GPHN: variants seen among roughly 807,000 people sequenced by gnomAD.
GPHN encodes the protein gephyrin.
GPHN carries 17 observed loss-of-function variants against 95.5 expected under a neutral mutation model. The observed-to-expected ratio is 0.18, with a 90% CI of 0.12 to 0.27. The LOEUF is 0.27. Among genes scored for constraint, GPHN ranks in the 10% least tolerant of loss-of-function variants. The pLI is 1.00. For synonymous variants in GPHN, 320 were observed against 322.5 expected (o/e 0.99, Z 0.08); for missense variants, 660 against 978.1 (o/e 0.67, Z 4.34).
chr14:67,362,151 G>C, the GPHN span, among the ~76,000 whole-genome samples: 1 of 151,648 alleles, frequency 6.6e-6, no homozygotes, highest in African/African-American at 2.4e-5. Context: ...CACTATAGTA[G>C]TGGGATTACA....
the GPHN span, among the ~76,000 whole-genome samples, chr14:67,724,122 G>T: frequency 6.6e-6 from 1 of 152,208 alleles, no homozygotes; most frequent in Non-Finnish European, 1.5e-5. Flanking sequence ...TTGAATGTAG[G>T]TTAGAGGGGA....
chr14:66,972,778 A>G (rs941173745), intron 9 of GPHN, among the ~76,000 whole-genome samples: 5 of 152,140 alleles, frequency 3.3e-5, no homozygotes, highest in Non-Finnish European at 7.4e-5. Context: ...TAAATATTAA[A>G]TTTACTATGT....
the GPHN span, among the ~76,000 whole-genome samples, chr14:67,510,176 T>A: frequency 1.3e-5 from 2 of 152,198 alleles, no homozygotes; most frequent in Non-Finnish European, 2.9e-5. Flanking sequence ...CTCATTGATA[T>A]GAGAAAAGAA....
intron 2 of GPHN, among the ~76,000 whole-genome samples, chr14:66,700,919 T>C (rs1460202170): frequency 6.8e-6 from 1 of 147,878 alleles, no homozygotes; most frequent in Non-Finnish European, 1.5e-5. Context: ...AGACACCATC[T>C]AAAAAAAAAA....
chr14:67,105,936 A>G (rs1373435398), intron 13 of GPHN, among the ~76,000 whole-genome samples: 1 of 152,038 alleles, frequency 6.6e-6, no homozygotes, highest in Non-Finnish European at 1.5e-5. Flanking sequence ...GTGGTTTTCT[A>G]CATTGATACT....
At chr14:67,465,374 A>G in the GPHN span, among the ~76,000 whole-genome samples, 1 of 128,962 alleles carries the variant, frequency 7.8e-6, no homozygotes, top group South Asian at 2.3e-4. Flanking sequence ...CCTGGATGGC[A>G]CAGGGCTGGG....
chr14:67,396,171 G>C, the GPHN span, among the ~76,000 whole-genome samples: 2 of 147,234 alleles, frequency 1.4e-5, no homozygotes, highest in African/African-American at 2.6e-5. Flanking sequence ...TTCTTGAGAC[G>C]GAGTCTTGCT....
At chr14:67,227,449 A>G in the GPHN span, 10 of 151,866 alleles carry the variant, frequency 6.6e-5, no homozygotes, top group East Asian at 1.9e-4. Context: ...CAAAAAAAAA[A>G]AAAAAAGAAA....
chr14:67,176,752 A>G (rs2082983788), intron 21 of GPHN, among the ~76,000 whole-genome samples: 1 of 152,046 alleles, frequency 6.6e-6, no homozygotes, highest in African/African-American at 2.4e-5. Flanking sequence ...CCCAATTTCA[A>G]AGTCTGTTAC....
intron 3 of GPHN, among the ~76,000 whole-genome samples, chr14:66,804,329 CA>C (rs2153478700): frequency 6.6e-6 from 1 of 152,298 alleles, no homozygotes; most frequent in East Asian, 1.9e-4. Flanking sequence ...AATATAGCCT[CA>C]AAAACTAGCA....
At chr14:66,622,770 T>A (rs2063360850) in intron 1 of GPHN, among the ~76,000 whole-genome samples, 2 of 152,142 alleles carry the variant, frequency 1.3e-5, no homozygotes, top group South Asian at 4.1e-4. Context: ...GTTCCTCATC[T>A]CCTTGTGAGA....
At chr14:67,321,256 A>G in the GPHN span, 4 of 1,613,976 alleles carry the variant, frequency 2.5e-6, no homozygotes, top group Non-Finnish European at 3.4e-6. Context: ...GTCTTCGTAC[A>G]CAGGTAAAGC....
At chr14:66,735,974 T>A (rs963670513) in intron 2 of GPHN, among the ~76,000 whole-genome samples, 2 of 152,108 alleles carry the variant, frequency 1.3e-5, no homozygotes, top group South Asian at 4.2e-4. Context: ...GTCAAAAAAA[T>A]TAGATATTTT....
At chr14:66,611,830 A>G (rs995693977) in intron 1 of GPHN, among the ~76,000 whole-genome samples, 2 of 152,150 alleles carry the variant, frequency 1.3e-5, no homozygotes, top group Non-Finnish European at 2.9e-5. Flanking sequence ...ATTATCAGTT[A>G]GAGAGACTTG....
chr14:66,916,497 GT>G (rs2065909352), intron 6 of GPHN, among the ~76,000 whole-genome samples: 1 of 137,976 alleles, frequency 7.2e-6, no homozygotes, highest in African/African-American at 2.7e-5. Flanking sequence ...TTTTTTTTTG[GT>G]TTGGTTTTTT....
At chr14:67,139,765 A>G (rs2080338502) in intron 17 of GPHN, among the ~76,000 whole-genome samples, 1 of 152,186 alleles carries the variant, frequency 6.6e-6, no homozygotes, top group Admixed American at 6.5e-5. Context: ...TCAAATCTCC[A>G]GAAGCCAGAA....
chr14:66,629,100 T>TATATTTATATAC, intron 1 of GPHN, among the ~76,000 whole-genome samples: 1 of 136,476 alleles, frequency 7.3e-6, no homozygotes, highest in Non-Finnish European at 1.6e-5. Flanking sequence ...TATATAAATA[T>TATATTTATATAC]ATATTTATAT....
intron 13 of GPHN, among the ~76,000 whole-genome samples, chr14:67,105,324 T>G (rs889568738): frequency 3.9e-5 from 6 of 152,240 alleles, no homozygotes; most frequent in South Asian, 4.1e-4. Flanking sequence ...TTGGATGAAA[T>G]GTACTTTAAA....
chr14:67,092,145 C>G (rs1398262465), intron 12 of GPHN, among the ~76,000 whole-genome samples: 1 of 152,038 alleles, frequency 6.6e-6, no homozygotes, highest in Non-Finnish European at 1.5e-5. Context: ...TTTATACCTC[C>G]TCACTTTTTT....
Sources: allele counts gnomAD v4.1 joint callset (sites outside exome capture counted in the v4.1 genomes callset), GRCh38; gene constraint gnomAD v4.1.1; transcripts MANE v1.5; gene names NCBI Gene and HGNC (gene_info 2026-07-23, HGNC 2026-07-21).